Variants in KCNIP4 observed in about 807,000 individuals in gnomAD.
The protein encoded by KCNIP4 is Kv channel-interacting protein 4.
A neutral mutation model predicts 34.0 loss-of-function variants in KCNIP4; 12 were observed. That is an observed-to-expected ratio of 0.35 (90% CI 0.23 to 0.57). The LOEUF is 0.57. Among genes scored for constraint, KCNIP4 ranks in the 20% least tolerant of loss-of-function variants. KCNIP4 has a pLI of 0.83. For missense variants in KCNIP4, 238 were observed against 311.7 expected (o/e 0.76, Z 1.78); for synonymous variants, 124 against 102.2 (o/e 1.21, Z -1.29).
chr4:21,108,211 C>T (rs1748769649), intron 1 of KCNIP4, among the ~76,000 whole-genome samples: 1 of 150,182 alleles, frequency 6.7e-6, no homozygotes, highest in African/African-American at 2.5e-5. Flanking sequence ...AACTTGGTTC[C>T]ATTCTCCCCG....
At chr4:20,944,347 G>T (rs1221713831) in intron 1 of KCNIP4, among the ~76,000 whole-genome samples, 2 of 152,162 alleles carry the variant, frequency 1.3e-5, no homozygotes, top group African/African-American at 2.4e-5. Context: ...AGGGACTGGA[G>T]TTGCATTTCC....
At chr4:20,730,430 C>CTACAGAGG (rs1220055327) in intron 8 of KCNIP4, among the ~76,000 whole-genome samples, 1 of 151,952 alleles carries the variant, frequency 6.6e-6, no homozygotes, top group African/African-American at 2.4e-5. Flanking sequence ...AAAATGGAAA[C>CTACAGAGG]TACAGAGGTG....
intron 1 of KCNIP4, among the ~76,000 whole-genome samples, chr4:21,597,876 A>C (rs192599500): frequency 1.3e-5 from 2 of 152,294 alleles, no homozygotes; most frequent in African/African-American, 4.8e-5. Context: ...AAAGAAAAAG[A>C]GGACTTGTTC....
rs367553482 is a variant in KCNIP4, at chr4:21,370,882, C to CACACACGTGTGT, written c.62-488174_62-488173insACACACGTGTGT. On this transcript the variant is annotated intron_variant, in intron 1 of 8. Transcript: ENST00000382152. ...ACACACACACACACACACACACACA[C>CACACACGTGTGT]GTGTGTGTGTGTGTGTGTGTATTAG... Among the ~76,000 whole-genome samples, 41 of 39,362 alleles carry CACACACGTGTGT rather than the reference C, an allele frequency of 1.0e-3. 3 individuals are homozygous for CACACACGTGTGT. Among genetic ancestry groups the CACACACGTGTGT allele is most frequent in the Non-Finnish European group, 1.5e-3 (31 of 20,700 alleles). 25.8% of individuals were successfully genotyped at this position (39,362 alleles called of 152,430 possible). A position where few individuals can be genotyped will look rare whatever the true frequency, so the allele number is the denominator to read the frequency against.
intron 3 of KCNIP4, among the ~76,000 whole-genome samples, chr4:20,827,118 C>T (rs1311833437): frequency 6.6e-6 from 1 of 152,194 alleles, no homozygotes; most frequent in East Asian, 1.9e-4. Context: ...GCTTTCTAAG[C>T]ATAGTGGAGT....
intron 1 of KCNIP4, among the ~76,000 whole-genome samples, chr4:21,733,470 G>A (rs1416305944): frequency 6.6e-6 from 1 of 152,144 alleles, no homozygotes; most frequent in East Asian, 1.9e-4. Flanking sequence ...CACAAGATTA[G>A]TGCTCTGTGG....
At chr4:21,508,326 T>C (rs1440924752) in intron 1 of KCNIP4, among the ~76,000 whole-genome samples, 1 of 152,198 alleles carries the variant, frequency 6.6e-6, no homozygotes, top group Non-Finnish European at 1.5e-5. Flanking sequence ...GACTGTGTTC[T>C]TTGCTTCTCA....
chr4:20,940,583 A>G (rs1340947768), intron 1 of KCNIP4, among the ~76,000 whole-genome samples: 1 of 152,194 alleles, frequency 6.6e-6, no homozygotes, highest in Non-Finnish European at 1.5e-5. Context: ...ATTATGAAAT[A>G]CATTTCTTGT....
Position 21,522,270 on chromosome 4 carries a change from C to A in KCNIP4, c.61+426301G>T, listed in dbSNP as rs143264172. 1.8e-3 allele frequency among the ~76,000 whole-genome samples: 275 copies of A among 152,210 alleles called. 3 individuals carry two copies. Among genetic ancestry groups the A allele is most frequent in the African/African-American group, 6.5e-3 (269 of 41,540 alleles). On this transcript the variant is annotated intron_variant, in intron 1 of 8. Transcript: ENST00000382152. ...TTGCAGGCACCACATTTTTTAACCT[C>A]TTTATGAGAGCTTTCTAAATGAATA...
At chr4:21,309,244 G>A (rs1283713904) in intron 1 of KCNIP4, among the ~76,000 whole-genome samples, 4 of 152,120 alleles carry the variant, frequency 2.6e-5, no homozygotes, top group Non-Finnish European at 4.4e-5. Context: ...CTTTCTCTAC[G>A]CTTTCACCAC....
chr4:21,400,524 T>TCCACTCCCCTCCCCTCC (rs1560369273), intron 1 of KCNIP4, among the ~76,000 whole-genome samples: 907 of 37,676 alleles, frequency 0.024, 43 homozygotes, highest in East Asian at 0.14. Flanking sequence ...TCTTCTCTTC[T>TCCACTCCCCTCCCCTCC]CTTCTCTTCT....
At chr4:21,485,582 T>G (rs1486645028) in intron 1 of KCNIP4, among the ~76,000 whole-genome samples, 1 of 152,208 alleles carries the variant, frequency 6.6e-6, no homozygotes, top group Non-Finnish European at 1.5e-5. Flanking sequence ...TTTTCACTTT[T>G]GTAGCACTTC....
intron 1 of KCNIP4, among the ~76,000 whole-genome samples, chr4:21,441,435 G>A (rs911506401): frequency 3.9e-5 from 6 of 151,912 alleles, no homozygotes; most frequent in African/African-American, 9.7e-5. Context: ...GAGCCATCGC[G>A]CCCGGCCACG....
chr4:20,747,292 A>G (rs1379540012), intron 5 of KCNIP4, among the ~76,000 whole-genome samples: 3 of 152,200 alleles, frequency 2.0e-5, no homozygotes, highest in African/African-American at 4.8e-5. Flanking sequence ...TGGAGTCACT[A>G]ATAGTTTTTG....
chr4:21,892,415 T>C (rs757875521), intron 1 of KCNIP4, among the ~76,000 whole-genome samples: 2 of 151,676 alleles, frequency 1.3e-5, no homozygotes, highest in African/African-American at 2.4e-5. Context: ...TGTAGAACAA[T>C]AGGGAAGTTT....
chr4:21,470,178 TAC>T (rs1560437391), intron 1 of KCNIP4, among the ~76,000 whole-genome samples: 2 of 152,148 alleles, frequency 1.3e-5, no homozygotes, highest in Non-Finnish European at 2.9e-5. Flanking sequence ...TGAAGGTTGG[TAC>T]TGCCGGTTCA....
intron 1 of KCNIP4, among the ~76,000 whole-genome samples, chr4:20,911,330 A>G (rs769410283): frequency 2.1e-4 from 32 of 152,278 alleles, no homozygotes; most frequent in South Asian, 1.9e-3. Context: ...TACAGCATTT[A>G]CTTCCTCCAT....
At chr4:21,040,732 T>G (rs1004598506) in intron 1 of KCNIP4, among the ~76,000 whole-genome samples, 3 of 152,040 alleles carry the variant, frequency 2.0e-5, no homozygotes, top group Non-Finnish European at 4.4e-5. Flanking sequence ...AAGTTTCAAG[T>G]AACTAAGGAC....
chr4:21,780,490 G>C (rs969084672), intron 1 of KCNIP4, among the ~76,000 whole-genome samples: 1 of 152,114 alleles, frequency 6.6e-6, no homozygotes, highest in African/African-American at 2.4e-5. Context: ...GGGTGAAACT[G>C]ATGGTTTCAG....
Sources: allele counts gnomAD v4.1 joint callset (sites outside exome capture counted in the v4.1 genomes callset), GRCh38; gene constraint gnomAD v4.1.1; transcripts MANE v1.5; gene names NCBI Gene and HGNC (gene_info 2026-07-23, HGNC 2026-07-21).